Variants in DEUP1 observed in about 807,000 individuals in gnomAD.
DEUP1 encodes the protein deuterosome assembly protein 1.
In DEUP1, 82 loss-of-function variants were observed where a neutral mutation model predicts 87.4. The observed-to-expected ratio is 0.94, with a 90% confidence interval of 0.78 to 1.13. The LOEUF is 1.13. DEUP1 is among the 50% of genes most tolerant of loss of function. The pLI, the probability that DEUP1 is intolerant of heterozygous loss-of-function variation, is 0.00. For synonymous variants in DEUP1, 214 were observed against 222.7 expected (o/e 0.96, Z 0.35); for missense variants, 663 against 681.5 (o/e 0.97, Z 0.30).
chr11:93,365,158 T>C (rs1328490766), intron 5 of DEUP1, among the ~76,000 whole-genome samples: 1 of 152,090 alleles, frequency 6.6e-6, no homozygotes, highest in Non-Finnish European at 1.5e-5. Context: ...CACTTTTTCA[T>C]CTTTAATTAA....
intron 13 of DEUP1, among the ~76,000 whole-genome samples, chr11:93,434,791 C>T (rs866126537): frequency 6.6e-6 from 1 of 152,152 alleles, no homozygotes; most frequent in Non-Finnish European, 1.5e-5. Context: ...CTTTTGTTCC[C>T]AGATCCATGT....
rs527528813 is a variant in DEUP1, at chr11:93,416,325, T to C, written c.1638+1211T>C. Among the ~76,000 whole-genome samples, 242 of 151,716 alleles carry C rather than the reference T, an allele frequency of 1.6e-3. 1 individual carries two copies. Among genetic ancestry groups the C allele is most frequent in the African/African-American group, 5.5e-3 (228 of 41,328 alleles). On this transcript the variant is annotated intron_variant, in intron 13 of 13. Transcript: ENST00000298050. ...AAAAAAGAGAGAAGAATCAAATAGA[T>C]GCAATAAAAAATGATAAAGGGGATA...
chr11:93,363,181 G>T (rs1591140648), intron 4 of DEUP1, among the ~76,000 whole-genome samples: 1 of 151,826 alleles, frequency 6.6e-6, no homozygotes, highest in East Asian at 1.9e-4. Context: ...TTATAGAGAT[G>T]GAAAACAAAT....
Position 93,389,017 on chromosome 11 carries a change from T to C in DEUP1, c.936-3T>C. ...TAATCATTATTTTATGTTTAATTTG[T>C]AGACTTGAATCATCTTATTTGCCTT... On this transcript the variant is annotated splice_region_variant and splice_polypyrimidine_tract_variant and intron_variant, in intron 8 of 13. Coordinates refer to ENST00000298050, the MANE Select transcript of DEUP1 (RefSeq NM_181645.4). 7.0e-7 allele frequency: 1 copy of C among 1,435,124 alleles called. No individual in the cohort carries two copies. Among genetic ancestry groups the C allele is most frequent in the Non-Finnish European group, 9.7e-7 (1 of 1,036,204 alleles). 88.9% of individuals were successfully genotyped at this position (1,435,124 alleles called of 1,614,324 possible).
intron 4 of DEUP1, among the ~76,000 whole-genome samples, chr11:93,358,426 G>A (rs1945000240): frequency 2.0e-5 from 3 of 152,128 alleles, no homozygotes; most frequent in Admixed American, 2.0e-4. Flanking sequence ...TGCTGTTTAA[G>A]CTAATGCTGG....
chr11:93,364,947 T>C (rs1945343982), intron 5 of DEUP1, among the ~76,000 whole-genome samples: 1 of 152,120 alleles, frequency 6.6e-6, no homozygotes, highest in East Asian at 1.9e-4. Context: ...TTTTCTTCCC[T>C]GTGTTCTTGA....
intron 4 of DEUP1, among the ~76,000 whole-genome samples, chr11:93,360,829 C>T (rs1945137092): frequency 6.8e-6 from 1 of 147,820 alleles, no homozygotes; most frequent in African/African-American, 2.5e-5. Context: ...ATCAGAGAAC[C>T]CAGAAGGAGA....
intron 5 of DEUP1, among the ~76,000 whole-genome samples, chr11:93,369,202 C>T (rs1393238262): frequency 1.3e-5 from 2 of 152,104 alleles, no homozygotes; most frequent in African/African-American, 2.4e-5. Context: ...GAGCACTCAT[C>T]CCATTCATGA....
At chr11:93,401,084 A>G (rs1591228711) in intron 11 of DEUP1, among the ~76,000 whole-genome samples, 1 of 152,282 alleles carries the variant, frequency 6.6e-6, no homozygotes, top group East Asian at 1.9e-4. Flanking sequence ...GAACTGATAA[A>G]CAAATTCAGT....
chr11:93,391,462 C>A (rs1242998628), intron 9 of DEUP1, among the ~76,000 whole-genome samples: 1 of 152,076 alleles, frequency 6.6e-6, no homozygotes, highest in African/African-American at 2.4e-5. Flanking sequence ...GTAATCCCAG[C>A]ACTTTGGGAG....
chr11:93,344,858 T>A (rs781628538), intron 2 of DEUP1, among the ~76,000 whole-genome samples: 3 of 152,080 alleles, frequency 2.0e-5, no homozygotes. Flanking sequence ...CTTTTTTTTT[T>A]TAACTTTTTT....
At chr11:93,375,242 G>C (rs1300710857) in intron 7 of DEUP1, among the ~76,000 whole-genome samples, 2 of 152,090 alleles carry the variant, frequency 1.3e-5, no homozygotes, top group African/African-American at 4.8e-5. Context: ...AGTCAACAGA[G>C]ATAGTTTGAC....
chr11:93,353,658 A>G (rs1042637900), intron 2 of DEUP1, among the ~76,000 whole-genome samples: 76 of 152,226 alleles, frequency 5.0e-4, no homozygotes, highest in Non-Finnish European at 8.4e-4. Context: ...CCAAACCCCA[A>G]TTCTTGACTT....
At chr11:93,407,939 C>CCTTTT (rs1947328374) in intron 11 of DEUP1, among the ~76,000 whole-genome samples, 6 of 151,500 alleles carry the variant, frequency 4.0e-5, no homozygotes, top group African/African-American at 1.2e-4. Flanking sequence ...ATAGAGTAAA[C>CCTTTT]CTTTTCTGTT....
At chr11:93,427,157 A>C (rs546529086) in intron 13 of DEUP1, among the ~76,000 whole-genome samples, 1 of 150,536 alleles carries the variant, frequency 6.6e-6, no homozygotes, top group African/African-American at 2.5e-5. Flanking sequence ...AAAAGAGCCC[A>C]CATCGCCAAG....
chr11:93,339,654 G>A (rs1943957061), intron 2 of DEUP1, among the ~76,000 whole-genome samples: 1 of 152,092 alleles, frequency 6.6e-6, no homozygotes, highest in Admixed American at 6.6e-5. Flanking sequence ...CAACCCCAAG[G>A]GAGACTTACC....
chr11:93,336,982 T>C (rs1473485687), intron 2 of DEUP1, among the ~76,000 whole-genome samples: 1 of 152,238 alleles, frequency 6.6e-6, no homozygotes, highest in African/African-American at 2.4e-5. Context: ...CATTTTTCTC[T>C]ACTGAATCTT....
At chr11:93,367,815 TACA>T (rs1188830195) in intron 5 of DEUP1, among the ~76,000 whole-genome samples, 3 of 152,226 alleles carry the variant, frequency 2.0e-5, no homozygotes, top group Non-Finnish European at 4.4e-5. Context: ...TTGTTTTCTT[TACA>T]ACATTTTTTG....
intron 11 of DEUP1, among the ~76,000 whole-genome samples, chr11:93,404,240 G>A (rs994062564): frequency 6.6e-6 from 1 of 151,994 alleles, no homozygotes; most frequent in Non-Finnish European, 1.5e-5. Flanking sequence ...GAAAAGTGAA[G>A]GGTTTTCTCT....
Sources: allele counts gnomAD v4.1 joint callset (sites outside exome capture counted in the v4.1 genomes callset), GRCh38; gene constraint gnomAD v4.1.1; transcripts MANE v1.5; gene names NCBI Gene and HGNC (gene_info 2026-07-23, HGNC 2026-07-21).